The following CDH8 variants were observed in gnomAD, a reference collection of about 807,000 sequenced individuals.
CDH8 encodes cadherin 8.
CDH8 carries 17 observed loss-of-function variants against 68.1 expected under a neutral mutation model. The observed-to-expected ratio is 0.25, with a 90% CI of 0.17 to 0.37. The LOEUF (loss-of-function observed/expected upper bound fraction) is 0.37. Ranked by LOEUF, CDH8 falls within the 10% of genes least tolerant of loss-of-function variation. CDH8 has a pLI of 1.00. For synonymous variants in CDH8, 372 were observed against 365.1 expected (o/e 1.02, Z -0.21); for missense variants, 763 against 999.3 (o/e 0.76, Z 3.19).
intron 10 of CDH8, among the ~76,000 whole-genome samples, chr16:61,706,942 G>A (rs1964546655): frequency 6.6e-6 from 1 of 151,974 alleles, no homozygotes; most frequent in Non-Finnish European, 1.5e-5. Flanking sequence ...CAATTTTTAG[G>A]TACTCTCCAT....
intron 3 of CDH8, among the ~76,000 whole-genome samples, chr16:61,885,217 A>G (rs1024442078): frequency 2.0e-5 from 3 of 152,214 alleles, no homozygotes; most frequent in Non-Finnish European, 4.4e-5. Context: ...GGAAGGGGAC[A>G]CAGAATGAGT....
At chr16:61,714,254 G>A (rs552163677) in intron 9 of CDH8, 1 of 308,328 alleles carries the variant, frequency 3.2e-6, no homozygotes, top group African/African-American at 2.3e-5. Flanking sequence ...GCAATTACAG[G>A]TTTCTTTCCA....
chr16:61,789,222 G>T, intron 8 of CDH8, 124 bp downstream of exon 8: 1 of 798,254 alleles, frequency 1.3e-6, no homozygotes, highest in Non-Finnish European at 2.0e-6. Context: ...GGCTCCTTGG[G>T]AACAATCAAA....
At chr16:61,696,369 T>C (rs1964326666) in intron 10 of CDH8, among the ~76,000 whole-genome samples, 1 of 152,158 alleles carries the variant, frequency 6.6e-6, no homozygotes. Flanking sequence ...ATAGTTTGTG[T>C]GAATTAAATC....
chr16:61,838,705 A>G (rs182433482), intron 4 of CDH8, among the ~76,000 whole-genome samples: 32 of 152,306 alleles, frequency 2.1e-4, no homozygotes, highest in African/African-American at 7.5e-4. Flanking sequence ...TACCATCTGT[A>G]GAAGTAACCT....
chr16:62,010,696 T>C (rs1221891599), intron 2 of CDH8, among the ~76,000 whole-genome samples: 6 of 152,134 alleles, frequency 3.9e-5, no homozygotes, highest in Admixed American at 2.6e-4. Flanking sequence ...CCCAGCACTT[T>C]GGGAGGCCAA....
intron 2 of CDH8, among the ~76,000 whole-genome samples, chr16:61,973,799 AT>A (rs1430854180): frequency 1.3e-5 from 2 of 152,204 alleles, no homozygotes; most frequent in African/African-American, 4.8e-5. Context: ...AATATTTATA[AT>A]TTGCAAATCG....
At chr16:62,028,915 A>G (rs1361023992) in intron 1 of CDH8, among the ~76,000 whole-genome samples, 3 of 152,196 alleles carry the variant, frequency 2.0e-5, no homozygotes, top group Admixed American at 6.5e-5. Context: ...CTGAGTGACA[A>G]CATTTCGTGC....
intron 8 of CDH8, among the ~76,000 whole-genome samples, chr16:61,738,516 A>C (rs953866811): frequency 1.3e-5 from 2 of 152,178 alleles, no homozygotes; most frequent in African/African-American, 4.8e-5. Context: ...ATTTAGAGCT[A>C]CTGGAGAGAG....
chr16:61,726,759 G>T (rs1040091448), intron 9 of CDH8: 6 of 368,548 alleles, frequency 1.6e-5, no homozygotes, highest in African/African-American at 4.2e-5. Flanking sequence ...GTTTTACCTT[G>T]CTTCTTGTCA....
intron 3 of CDH8, among the ~76,000 whole-genome samples, chr16:61,865,554 C>T (rs1963238377): frequency 6.6e-6 from 1 of 152,130 alleles, no homozygotes; most frequent in Non-Finnish European, 1.5e-5. Flanking sequence ...GTATCCTTCA[C>T]AAACAATGCT....
At chr16:61,846,463 T>G (rs1352844067) in intron 4 of CDH8, among the ~76,000 whole-genome samples, 2 of 152,238 alleles carry the variant, frequency 1.3e-5, no homozygotes, top group East Asian at 3.9e-4. Context: ...ATAATTCACT[T>G]AATTGAAATT....
At chr16:61,679,835 T>C (rs1963979990) in intron 10 of CDH8, among the ~76,000 whole-genome samples, 1 of 151,928 alleles carries the variant, frequency 6.6e-6, no homozygotes, top group East Asian at 1.9e-4. Flanking sequence ...AGTGTTTTCT[T>C]GAATATGTCT....
chr16:61,982,282 C>T (rs1223926096), intron 2 of CDH8, among the ~76,000 whole-genome samples: 1 of 151,958 alleles, frequency 6.6e-6, no homozygotes, highest in Non-Finnish European at 1.5e-5. Flanking sequence ...TGCAGTGGCG[C>T]GATCTCGGCT....
At position 61,768,356 on chromosome 16, in the gene CDH8, CT is replaced by C. The variant is rs1960667705; in HGVS notation, c.1414+20989del. 3.7e-4 allele frequency among the ~76,000 whole-genome samples: 41 copies of C among 112,144 alleles called. 1 individual carries two copies. Among genetic ancestry groups the C allele is most frequent in the African/African-American group, 1.4e-3 (39 of 28,166 alleles). 73.6% of individuals were successfully genotyped at this position (112,144 alleles called of 152,430 possible). On this transcript the variant is annotated intron_variant, in intron 8 of 11. Transcript: ENST00000577390. ...TCTCTCTCTCTCTCTCTCTCTCTCTCTCTCTCTCTCTCCCTTTCTCTCTCTC... is the reference window on the plus strand; with the variant it reads ...TCTCTCTCTCTCTCTCTCTCTCTCTCCTCTCTCTCTCCCTTTCTCTCTCTC...
At chr16:61,742,440 G>A (rs996866118) in intron 8 of CDH8, among the ~76,000 whole-genome samples, 1 of 151,982 alleles carries the variant, frequency 6.6e-6, no homozygotes, top group Non-Finnish European at 1.5e-5. Flanking sequence ...AGTGAGAAAG[G>A]TTTCAGCATT....
intron 10 of CDH8, among the ~76,000 whole-genome samples, chr16:61,661,393 G>A (rs1963554139): frequency 6.6e-6 from 1 of 151,832 alleles, no homozygotes; most frequent in African/African-American, 2.4e-5. Flanking sequence ...CTAATCCAAA[G>A]TAGGTTGTCT....
At chr16:61,895,933 G>T (rs1220199365) in intron 3 of CDH8, among the ~76,000 whole-genome samples, 1 of 151,932 alleles carries the variant, frequency 6.6e-6, no homozygotes, top group African/African-American at 2.4e-5. Flanking sequence ...AAGCTTAGAT[G>T]GTTTATGCCA....
At chr16:61,991,090 C>T (rs922168739) in intron 2 of CDH8, among the ~76,000 whole-genome samples, 4 of 152,152 alleles carry the variant, frequency 2.6e-5, no homozygotes, top group African/African-American at 9.7e-5. Context: ...TGACTCTCAC[C>T]TCTGTGACTC....
Sources: allele counts gnomAD v4.1 joint callset (sites outside exome capture counted in the v4.1 genomes callset), GRCh38; gene constraint gnomAD v4.1.1; transcripts MANE v1.5; gene names NCBI Gene and HGNC (gene_info 2026-07-23, HGNC 2026-07-21).